The following CPED1 variants were observed in gnomAD, a reference collection of about 807,000 sequenced individuals.
CPED1 encodes the protein cadherin like and PC-esterase domain containing 1, also known as cadherin-like and PC-esterase domain-containing protein 1.
A neutral mutation model predicts 128.2 loss-of-function variants in CPED1; 114 were observed. The ratio of observed to expected loss-of-function variants is 0.89; its 90% confidence interval spans 0.76 to 1.04. The LOEUF (loss-of-function observed/expected upper bound fraction) is 1.04. Ranked by LOEUF, CPED1 falls within the 50% of genes least tolerant of loss-of-function variation. The probability of loss-of-function intolerance (pLI) is 0.00; values close to 1 mark genes in which losing one functional copy is unlikely to be tolerated. For missense variants in CPED1, 1,211 were observed against 1,207.1 expected, an observed-to-expected ratio of 1.00 and a Z score of -0.05; for synonymous variants, 462 against 426.7, an observed-to-expected ratio of 1.08 and a Z score of -1.02.
intron 16 of CPED1, among the ~76,000 whole-genome samples, chr7:121,157,316 A>G (rs1796310000): frequency 1.3e-5 from 2 of 152,198 alleles, no homozygotes; most frequent in African/African-American, 4.8e-5. Flanking sequence ...TTAATATACG[A>G]TATCATTAAT....
intron 3 of CPED1, among the ~76,000 whole-genome samples, chr7:121,033,676 T>C (rs978078466): frequency 6.6e-6 from 1 of 152,238 alleles, no homozygotes; most frequent in Non-Finnish European, 1.5e-5. Flanking sequence ...CATAAATATC[T>C]CACAGTAATG....
At chr7:121,282,130 C>T (rs925980942) in intron 22 of CPED1, among the ~76,000 whole-genome samples, 2 of 152,126 alleles carry the variant, frequency 1.3e-5, no homozygotes, top group Non-Finnish European at 2.9e-5. Flanking sequence ...GTGGTCAAGT[C>T]ATCTGCACCC....
chr7:121,296,723 T>C lies in CPED1; in HGVS notation c.*1071T>C, dbSNP rs1051900807. ...CATACATATAATACATACCTAATTA[T>C]AGTAGTGAGAACTATTTCTTTTATC... is the stretch of plus-strand genomic sequence containing the variant. On this transcript the variant is annotated 3_prime_UTR_variant, in exon 23 of 23. Coordinates refer to ENST00000310396, the MANE Select transcript of CPED1 (RefSeq NM_024913.5). The C allele has an allele frequency of 1.3e-5, 2 of 152,200 alleles. No individual in the cohort carries two copies. Among genetic ancestry groups the C allele is most frequent in the Non-Finnish European group, 2.9e-5 (2 of 67,966 alleles). 9.4% of individuals were successfully genotyped at this position (152,200 alleles called of 1,614,324 possible). A position where few individuals can be genotyped will look rare whatever the true frequency, so the allele number is the denominator to read the frequency against.
intron 9 of CPED1, among the ~76,000 whole-genome samples, chr7:121,126,884 A>G (rs186386517): frequency 2.0e-5 from 3 of 152,116 alleles, no homozygotes; most frequent in Non-Finnish European, 4.4e-5. Context: ...TAATTTTCTT[A>G]TACTGTACAT....
chr7:121,221,539 A>G (rs1374717877), intron 16 of CPED1, among the ~76,000 whole-genome samples: 1 of 152,250 alleles, frequency 6.6e-6, no homozygotes, highest in East Asian at 1.9e-4. Flanking sequence ...GAATCCCCAC[A>G]CTGTCTTCCA....
At chr7:121,055,457 CTGAT>C (rs1002290411) in intron 4 of CPED1, among the ~76,000 whole-genome samples, 1 of 151,660 alleles carries the variant, frequency 6.6e-6, no homozygotes, top group African/African-American at 2.4e-5. Context: ...AAGCTTTTAT[CTGAT>C]TGTGAAGCAA....
chr7:121,226,275 A>C (rs1031249433), intron 16 of CPED1, among the ~76,000 whole-genome samples: 1 of 151,720 alleles, frequency 6.6e-6, no homozygotes, highest in Admixed American at 6.6e-5. Flanking sequence ...CTAGAAGTCC[A>C]CTCCAGATCC....
At chr7:121,008,653 C>A (rs1040224824) in intron 2 of CPED1, among the ~76,000 whole-genome samples, 2 of 150,218 alleles carry the variant, frequency 1.3e-5, no homozygotes, top group Non-Finnish European at 3.0e-5. Context: ...AGACTAATCA[C>A]CAAATCATCT....
At chr7:121,073,713 C>T (rs1189457607) in intron 5 of CPED1, among the ~76,000 whole-genome samples, 2 of 151,864 alleles carry the variant, frequency 1.3e-5, no homozygotes, top group Admixed American at 1.3e-4. Flanking sequence ...ATCATGAATA[C>T]TTCAAGTTAT....
chr7:121,181,045 G>A (rs1796887781), intron 16 of CPED1, among the ~76,000 whole-genome samples: 1 of 152,024 alleles, frequency 6.6e-6, no homozygotes, highest in Non-Finnish European at 1.5e-5. Flanking sequence ...TCATGTTCAA[G>A]AAATAGTCAA....
intron 16 of CPED1, among the ~76,000 whole-genome samples, chr7:121,154,537 ATTAT>A (rs1796237618): frequency 1.3e-5 from 2 of 150,896 alleles, no homozygotes. Flanking sequence ...TTTTATTTTT[ATTAT>A]TTATTTATTT....
At chr7:121,011,939 T>C (rs896480123) in intron 2 of CPED1, among the ~76,000 whole-genome samples, 5 of 152,164 alleles carry the variant, frequency 3.3e-5, no homozygotes, top group African/African-American at 1.2e-4. Flanking sequence ...TTAACATAAT[T>C]TATTGGTGAG....
At chr7:121,072,551 A>G (rs900302681) in intron 5 of CPED1, among the ~76,000 whole-genome samples, 103 of 152,100 alleles carry the variant, frequency 6.8e-4, no homozygotes, top group African/African-American at 2.4e-3. Context: ...ATCAGGATGT[A>G]TTTTTAAAAG....
chr7:121,236,145 G>A (rs746199003), intron 16 of CPED1, among the ~76,000 whole-genome samples: 12 of 152,106 alleles, frequency 7.9e-5, no homozygotes, highest in Admixed American at 2.0e-4. Flanking sequence ...ATACACTATC[G>A]TTCTGTTCTA....
rs148859932 is a variant in CPED1 at position 121,092,373 on chromosome 7, T to C, written c.617-5326T>C. Reference sequence around the variant, plus strand: ...TTTTCATTTCTGTACATACATCTGGTTATTTGGGTAAGAAGAAGTGGAGTT... The same window carrying C: ...TTTTCATTTCTGTACATACATCTGGCTATTTGGGTAAGAAGAAGTGGAGTT... On this transcript the variant is annotated intron_variant, in intron 5 of 22. Transcript: ENST00000310396. Among the ~76,000 whole-genome samples, 36 of 152,280 alleles carry C rather than the reference T, an allele frequency of 2.4e-4. 1 individual carries two copies. Among genetic ancestry groups the C allele is most frequent in the African/African-American group, 8.2e-4 (34 of 41,554 alleles).
intron 4 of CPED1, among the ~76,000 whole-genome samples, chr7:121,052,456 G>A (rs1198120181): frequency 6.6e-6 from 1 of 152,098 alleles, no homozygotes; most frequent in Non-Finnish European, 1.5e-5. Context: ...AAAGGATTTT[G>A]ATCACGTTAT....
intron 16 of CPED1, among the ~76,000 whole-genome samples, chr7:121,192,489 A>T (rs552068256): frequency 6.6e-6 from 1 of 152,156 alleles, no homozygotes. Context: ...ATGAGTGTAC[A>T]TGCTGCTTTG....
intron 3 of CPED1, among the ~76,000 whole-genome samples, chr7:121,045,590 C>T (rs534186587): frequency 5.3e-5 from 8 of 152,186 alleles, no homozygotes; most frequent in East Asian, 1.9e-4. Flanking sequence ...ATTTGAAAAG[C>T]GAGGTATTTA....
intron 22 of CPED1, among the ~76,000 whole-genome samples, chr7:121,279,412 A>G (rs1792402244): frequency 6.6e-6 from 1 of 152,014 alleles, no homozygotes; most frequent in South Asian, 2.1e-4. Context: ...CCCCAAGAAA[A>G]ATACTTTAAA....
Sources: allele counts gnomAD v4.1 joint callset (sites outside exome capture counted in the v4.1 genomes callset), GRCh38; gene constraint gnomAD v4.1.1; transcripts MANE v1.5; gene names NCBI Gene and HGNC (gene_info 2026-07-23, HGNC 2026-07-21).